Variants in DLGAP3 observed in about 807,000 individuals in gnomAD.
DLGAP3 encodes disks large-associated protein 3.
Under a neutral mutation model 81.2 loss-of-function variants are expected in DLGAP3, and 17 were observed. The observed-to-expected ratio is 0.21, with a 90% CI of 0.14 to 0.31. DLGAP3 has a LOEUF of 0.31. DLGAP3 is among the 10% of genes least tolerant of loss of function. The pLI is 1.00. For synonymous variants in DLGAP3, 577 were observed against 587.4 expected (o/e 0.98, Z 0.26); for missense variants, 1,124 against 1,388.0 (o/e 0.81, Z 3.02).
intron 2 of DLGAP3, 102 bp from the exon 3 acceptor site, chr1:34,905,536 A>G: frequency 2.5e-6 from 2 of 787,982 alleles, no homozygotes; most frequent in Non-Finnish European, 1.9e-6. Context: ...ATACATATCA[A>G]TTTATTATGA....
intron 5 of DLGAP3, among the ~76,000 whole-genome samples, chr1:34,896,174 A>C (rs1369057987): frequency 6.6e-6 from 1 of 152,222 alleles, no homozygotes; most frequent in African/African-American, 2.4e-5. Flanking sequence ...AATACAAATT[A>C]CTGAATAGTG....
At chr1:34,885,450 C>T in intron 7 of DLGAP3, 28 bp downstream of exon 7, 1 of 1,602,732 alleles carries the variant, frequency 6.2e-7, no homozygotes, top group Non-Finnish European at 8.5e-7. Flanking sequence ...AGGGTCAGAG[C>T]CCTCGTGGGC....
At position 34,886,177 on chromosome 1, in the gene DLGAP3, G is replaced by T; in HGVS notation, c.1495C>A (p.Arg499=). Residue 499 remains arginine (R), a synonymous_variant, in exon 6 of 12, where the codon CGG becomes AGG. Coordinates refer to ENST00000373347, the MANE Select transcript of DLGAP3 (RefSeq NM_001080418.3). The stretch of plus-strand genomic sequence containing the variant: ...ATGGCCCGGAGGTAGCTGTGGCTCC[G>T]CATGCGGAAACAGCCGGGCAGGTCC... ...ALDLPGCFRM[R]SHSYLRAIQA... 1.9e-6 allele frequency: 3 copies of T among 1,610,660 alleles called. No individual in the cohort carries two copies. The highest frequency in any genetic ancestry group is 1.7e-6 in the Non-Finnish European group (2 of 1,179,094).
chr1:34,877,359 C>T (rs1243298672), intron 8 of DLGAP3, among the ~76,000 whole-genome samples: 2 of 152,154 alleles, frequency 1.3e-5, no homozygotes, highest in Admixed American at 1.3e-4. Context: ...ATGAAGGCTT[C>T]CTTGTGTGGA....
intron 5 of DLGAP3, among the ~76,000 whole-genome samples, chr1:34,896,784 A>G (rs1639386480): frequency 6.6e-6 from 1 of 152,220 alleles, no homozygotes; most frequent in African/African-American, 2.4e-5. Flanking sequence ...GGGGAGAAGA[A>G]TAAAGAAAAC....
In DLGAP3 at chr1:34,900,341, C is replaced by T; in HGVS notation, c.1108-68G>A. 6.6e-7 allele frequency: 1 copy of T among 1,526,230 alleles called. No individual in the cohort carries two copies. Among genetic ancestry groups the T allele is most frequent in the Non-Finnish European group, 9.0e-7 (1 of 1,106,900 alleles). 94.5% of individuals were successfully genotyped at this position (1,526,230 alleles called of 1,614,324 possible). The stretch of plus-strand genomic sequence containing the variant: ...AAATCTAGAGGCCAGGACTCTTTCC[C>T]CACTGCCAGTGGGAGATGCCCTGCC... On this transcript the variant is annotated intron_variant, in intron 3 of 11. Transcript: ENST00000373347. The surrounding 1 kb of genome is among the most constrained non-coding windows in gnomAD (Gnocchi z 5.6).
intron 1 of DLGAP3, among the ~76,000 whole-genome samples, chr1:34,910,248 T>C (rs1167007579): frequency 1.3e-5 from 2 of 152,194 alleles, no homozygotes; most frequent in East Asian, 3.8e-4. Flanking sequence ...TGGCCAGATT[T>C]CCTGTAGTAT....
At chr1:34,919,771 C>T (rs1639770502) in intron 1 of DLGAP3, among the ~76,000 whole-genome samples, 1 of 149,836 alleles carries the variant, frequency 6.7e-6, no homozygotes, top group Non-Finnish European at 1.5e-5. Flanking sequence ...CAGAGTGAGA[C>T]CCCATCTCAA....
chr1:34,889,450 A>G (rs1191097082), intron 5 of DLGAP3, among the ~76,000 whole-genome samples: 1 of 152,224 alleles, frequency 6.6e-6, no homozygotes, highest in Non-Finnish European at 1.5e-5. Flanking sequence ...CCCTGCACTG[A>G]CTTCCACCCT....
At chr1:34,899,569 T>C (rs1639423934) in intron 5 of DLGAP3, 100 bp downstream of exon 5, 4 of 1,073,342 alleles carry the variant, frequency 3.7e-6, no homozygotes, top group Non-Finnish European at 5.8e-6. Context: ...AGGCCTGAGC[T>C]CTCTCCACAG....
In DLGAP3 at chr1:34,867,009, A is replaced by G. The variant is rs773429182; in HGVS notation, c.2721+39T>C. ...ACCTCTCTGGGGAGGGGAATTTCCC[A>G]GAGTCTGGCCTCTTTGCCTGAAGGC... is the stretch of plus-strand genomic sequence containing the variant. On this transcript the variant is annotated intron_variant, in intron 11 of 11. Transcript: ENST00000373347. The surrounding 1 kb of genome is among the most constrained non-coding windows in gnomAD (Gnocchi z 4.3). 3 of 1,613,468 alleles carry G rather than the reference A, an allele frequency of 1.9e-6. No individual in the cohort carries two copies. Among genetic ancestry groups the G allele is most frequent in the Non-Finnish European group, 2.5e-6 (3 of 1,179,546 alleles).
chr1:34,879,374 G>A (rs1466241413), intron 8 of DLGAP3, among the ~76,000 whole-genome samples: 1 of 152,086 alleles, frequency 6.6e-6, no homozygotes, highest in Non-Finnish European at 1.5e-5. Context: ...GTTCACAATA[G>A]GGTTCAGGCT....
At chr1:34,928,456 G>A (rs1329909758) in intron 1 of DLGAP3, among the ~76,000 whole-genome samples, 1 of 152,014 alleles carries the variant, frequency 6.6e-6, no homozygotes, top group Non-Finnish European at 1.5e-5. Flanking sequence ...ATGCAGGAAG[G>A]ACACGACCAG....
At chr1:34,882,065 AT>A (rs1187846448) in intron 8 of DLGAP3, among the ~76,000 whole-genome samples, 1 of 152,216 alleles carries the variant, frequency 6.6e-6, no homozygotes, top group Non-Finnish European at 1.5e-5. Flanking sequence ...TCACAGAAAA[AT>A]AACTGACTAT....
chr1:34,886,385 G>A, intron 5 of DLGAP3, 100 bp from the exon 6 acceptor site: 2 of 1,137,430 alleles, frequency 1.8e-6, no homozygotes, highest in Non-Finnish European at 2.4e-6. Context: ...TATATCTGCA[G>A]AGGCTGTAGG....
chr1:34,914,685 G>T (rs1639689962), intron 1 of DLGAP3, among the ~76,000 whole-genome samples: 1 of 152,196 alleles, frequency 6.6e-6, no homozygotes, highest in South Asian at 2.1e-4. Context: ...GATAATGCAG[G>T]TAAAGTATCT....
intron 1 of DLGAP3, among the ~76,000 whole-genome samples, chr1:34,927,395 T>G (rs997048386): frequency 7.4e-4 from 112 of 152,110 alleles, no homozygotes; most frequent in African/African-American, 2.6e-3. Flanking sequence ...GAGTCCCCGG[T>G]TTGTAATGAA....
chr1:34,892,836 C>G (rs1208186110), intron 5 of DLGAP3, among the ~76,000 whole-genome samples: 1 of 152,154 alleles, frequency 6.6e-6, no homozygotes, highest in Non-Finnish European at 1.5e-5. Flanking sequence ...ACAAGAAAAA[C>G]AATTCATCAC....
chr1:34,913,872 T>C (rs986994909), intron 1 of DLGAP3, among the ~76,000 whole-genome samples: 2 of 152,140 alleles, frequency 1.3e-5, no homozygotes, highest in East Asian at 3.9e-4. Flanking sequence ...CCCAGCCTTG[T>C]TCATGATGTT....
Sources: gnomAD v4.1 joint callset for allele counts (sites outside exome capture counted in the v4.1 genomes callset) on GRCh38, gnomAD v4.1.1 for gene constraint, Gnocchi (gnomAD v3.1) non-coding constraint, MANE v1.5 for transcripts, NCBI Gene and HGNC (gene_info 2026-07-23, HGNC 2026-07-21) for gene names.